The following ADAM23 variants were observed in gnomAD, a reference collection of about 807,000 sequenced individuals.
ADAM23 encodes disintegrin and metalloproteinase domain-containing protein 23.
A neutral mutation model predicts 120.1 loss-of-function variants in ADAM23; 33 were observed. The observed-to-expected ratio is 0.27, with a 90% CI of 0.21 to 0.37. The LOEUF (loss-of-function observed/expected upper bound fraction) is 0.37. ADAM23 is among the 10% of genes least tolerant of loss of function. The pLI is 1.00. For missense variants in ADAM23, 862 were observed against 1,058.2 expected (o/e 0.81, Z 2.57); for synonymous variants, 367 against 375.2 (o/e 0.98, Z 0.25).
chr2:206,499,405 A>T (rs1696332789), intron 3 of ADAM23, among the ~76,000 whole-genome samples: 1 of 149,664 alleles, frequency 6.7e-6, no homozygotes, highest in Non-Finnish European at 1.5e-5. Flanking sequence ...AAAAAACCAA[A>T]CACTGCATGT....
At chr2:206,509,887 CAT>C (rs1366966089) in intron 3 of ADAM23, among the ~76,000 whole-genome samples, 9 of 152,222 alleles carry the variant, frequency 5.9e-5, no homozygotes, top group African/African-American at 2.2e-4. Flanking sequence ...CTGTGTGACA[CAT>C]GAGTGATTCC....
intron 24 of ADAM23, among the ~76,000 whole-genome samples, chr2:206,603,890 A>T (rs1429642329): frequency 6.6e-6 from 1 of 151,990 alleles, no homozygotes; most frequent in Non-Finnish European, 1.5e-5. Context: ...TATGTGGCTT[A>T]TATAAAAATT....
chr2:206,592,583 G>C lies in ADAM23; in HGVS notation c.1959-34G>C, dbSNP rs371251477. ...TGATTTTTTGAGCTTGATTCCTCCT[G>C]TCTGGTCTGTTTGTTTTCTTTACAC... On this transcript the variant is annotated intron_variant, in intron 21 of 25. Transcript: ENST00000264377. 31 of 1,605,900 alleles carry C rather than the reference G, an allele frequency of 1.9e-5. No homozygotes were observed. In the African/African-American group the frequency reaches 3.3e-4, roughly 17 times the overall value.
intron 2 of ADAM23, among the ~76,000 whole-genome samples, chr2:206,472,303 T>C (rs1695675427): frequency 6.6e-6 from 1 of 152,158 alleles, no homozygotes; most frequent in Non-Finnish European, 1.5e-5. Context: ...TCAGCGTCCA[T>C]CTTTTGCATA....
intron 3 of ADAM23, among the ~76,000 whole-genome samples, chr2:206,517,317 C>T (rs1448200232): frequency 2.6e-5 from 4 of 152,128 alleles, no homozygotes; most frequent in South Asian, 4.1e-4. Flanking sequence ...CTGCCACTGC[C>T]GTGTGCTACC....
At chr2:206,559,731 C>T (rs1356501592) in intron 10 of ADAM23, among the ~76,000 whole-genome samples, 5 of 152,066 alleles carry the variant, frequency 3.3e-5, no homozygotes, top group Admixed American at 2.6e-4. Context: ...GCTCTGGGAT[C>T]GAAATAACCC....
chr2:206,603,190 AT>A (rs5838035), intron 24 of ADAM23, among the ~76,000 whole-genome samples: 14,115 of 152,186 alleles, frequency 0.093, 709 homozygotes, highest in Middle Eastern at 0.12. Flanking sequence ...TAGAAGTAGA[AT>A]TTTTTTCAAT....
intron 2 of ADAM23, among the ~76,000 whole-genome samples, chr2:206,445,868 G>C (rs1695072755): frequency 6.6e-6 from 1 of 152,138 alleles, no homozygotes; most frequent in African/African-American, 2.4e-5. Flanking sequence ...ATTCTGCCTT[G>C]ATATAAAACT....
At position 206,486,642 on chromosome 2, in the gene ADAM23, T is replaced by A. The variant is rs149182158; in HGVS notation, c.509+5334T>A. Among the ~76,000 whole-genome samples the A allele has an allele frequency of 8.7e-4, 132 of 152,216 alleles. 3 individuals carry two copies. The highest frequency in any genetic ancestry group is 7.3e-3 in the South Asian group (35 of 4,816). On this transcript the variant is annotated intron_variant, in intron 3 of 25. Transcript: ENST00000264377. ...GTAACTCTTTGATCTTGGGCAAGCTTCTTAACTTCTTCCTTTTCTTCATTT... is the reference window on the plus strand; with the variant it reads ...GTAACTCTTTGATCTTGGGCAAGCTACTTAACTTCTTCCTTTTCTTCATTT...
chr2:206,452,704 C>T (rs189028285), intron 2 of ADAM23, among the ~76,000 whole-genome samples: 53 of 152,098 alleles, frequency 3.5e-4, no homozygotes, highest in Non-Finnish European at 6.6e-4. Context: ...ATGGTGATGC[C>T]CTGTGTGAAG....
chr2:206,496,902 A>C (rs1335134826), intron 3 of ADAM23, among the ~76,000 whole-genome samples: 1 of 152,234 alleles, frequency 6.6e-6, no homozygotes, highest in African/African-American at 2.4e-5. Flanking sequence ...GAAAATCTAG[A>C]AGAAATGGAT....
chr2:206,447,870 T>A (rs1695114232), intron 2 of ADAM23, among the ~76,000 whole-genome samples: 1 of 152,176 alleles, frequency 6.6e-6, no homozygotes, highest in Non-Finnish European at 1.5e-5. Context: ...GAGGTGGAAA[T>A]GGAAATTCCC....
intron 3 of ADAM23, among the ~76,000 whole-genome samples, chr2:206,502,467 C>G (rs1465931277): frequency 6.6e-6 from 1 of 151,942 alleles, no homozygotes; most frequent in Non-Finnish European, 1.5e-5. Context: ...TGGTATTTTT[C>G]CATCGACTTT....
At chr2:206,593,017 C>T (rs1001231681) in intron 22 of ADAM23, among the ~76,000 whole-genome samples, 3 of 152,004 alleles carry the variant, frequency 2.0e-5, no homozygotes, top group Non-Finnish European at 4.4e-5. Flanking sequence ...TTCATTCTAA[C>T]CCATTATTAA....
At chr2:206,515,453 C>T (rs1696711511) in intron 3 of ADAM23, among the ~76,000 whole-genome samples, 1 of 152,120 alleles carries the variant, frequency 6.6e-6, no homozygotes, top group Non-Finnish European at 1.5e-5. Flanking sequence ...CTCCATGTTG[C>T]ACCACACACA....
In ADAM23 at chr2:206,530,877, C is replaced by T. The variant is rs1401533508; in HGVS notation, c.510-8C>T. ...TGCAGAAATCACTCTATTTTCTTTC[C>T]TTTGTAGTGGTTTGTTGTCTTCTGA... On this transcript the variant is annotated splice_region_variant and splice_polypyrimidine_tract_variant and intron_variant, in intron 3 of 25. Transcript: ENST00000264377. The T allele has an allele frequency of 6.8e-6, 11 of 1,612,426 alleles. No homozygotes were observed. The highest frequency in any genetic ancestry group is 9.3e-6 in the Non-Finnish European group (11 of 1,178,936).
rs752115059 is a variant in ADAM23, at chr2:206,567,292, T to C, written c.1464T>C (p.Gly488=). ...ATAGAGACTTTTTACAGAGAGGAGG[T>C]GGAGCCTGCCTTTTCAACAGGCCAA... ...LEYRDFLQRG[G]GACLFNRPTK... The change falls in exon 15 of 26, where the codon GGT becomes GGC. Residue 488 remains glycine, a synonymous_variant. Coordinates refer to ENST00000264377, the MANE Select transcript of ADAM23 (RefSeq NM_003812.4). 6.2e-7 allele frequency: 1 copy of C among 1,613,878 alleles called. No homozygotes were observed. Among genetic ancestry groups the C allele is most frequent in the South Asian group, 1.1e-5 (1 of 91,032 alleles).
intron 24 of ADAM23, among the ~76,000 whole-genome samples, chr2:206,598,943 A>G (rs1303842323): frequency 6.7e-6 from 1 of 148,794 alleles, no homozygotes; most frequent in African/African-American, 2.5e-5. Context: ...GGTGGCTTAC[A>G]CCTGTTATCC....
chr2:206,573,927 AT>A (rs1698060062), intron 18 of ADAM23, among the ~76,000 whole-genome samples: 1 of 152,102 alleles, frequency 6.6e-6, no homozygotes, highest in South Asian at 2.1e-4. Flanking sequence ...CTCCAGAGTC[AT>A]CTGCCTCATT....
Sources: gnomAD v4.1 joint callset for allele counts (sites outside exome capture counted in the v4.1 genomes callset) on GRCh38, gnomAD v4.1.1 for gene constraint, MANE v1.5 for transcripts, NCBI Gene and HGNC (gene_info 2026-07-23, HGNC 2026-07-21) for gene names.